The following TPCN1 variants were observed in gnomAD, a reference collection of about 807,000 sequenced individuals.
TPCN1 encodes the protein two pore channel protein 1.
Under a neutral mutation model 108.8 loss-of-function variants are expected in TPCN1, and 52 were observed. The observed-to-expected ratio is 0.48, with a 90% CI of 0.38 to 0.60. The LOEUF is 0.60. TPCN1 is among the 20% of genes least tolerant of loss of function. The probability of loss-of-function intolerance (pLI) is 0.00; values close to 1 mark genes in which losing one functional copy is unlikely to be tolerated. For missense variants in TPCN1, 806 were observed against 1,072.8 expected, an observed-to-expected ratio of 0.75 and a Z score of 3.47; for synonymous variants, 446 against 433.7, an observed-to-expected ratio of 1.03 and a Z score of -0.35.
At chr12:113,240,193 A>G (rs933259690) in intron 2 of TPCN1, among the ~76,000 whole-genome samples, 3 of 152,146 alleles carry the variant, frequency 2.0e-5, no homozygotes, top group African/African-American at 7.2e-5. Flanking sequence ...TAGTTGGCCC[A>G]TTTGATTTTG....
rs1956154036 is a variant in TPCN1, at chr12:113,288,263, G to A, written c.1706+29G>A. On this transcript the variant is annotated intron_variant, in intron 20 of 27. Coordinates refer to ENST00000335509, the MANE Select transcript of TPCN1 (RefSeq NM_017901.6). The surrounding 1 kb of genome is among the most constrained non-coding windows in gnomAD (Gnocchi z 4.8). ...CTGCCAGCCCCCACCCTGGCCTGCA[G>A]GTCCAGGTGCCGTGTGGCAGTGCCC... The A allele has an allele frequency of 1.2e-6, 2 of 1,613,196 alleles. No individual in the cohort carries two copies. Among genetic ancestry groups the A allele is most frequent in the South Asian group, 1.1e-5 (1 of 91,044 alleles).
chr12:113,258,510 A>C lies in TPCN1; in HGVS notation c.113-1858A>C, dbSNP rs575203978. The stretch of plus-strand genomic sequence containing the variant: ...AAACAAGGGTGGAGTGGCTGGGCAC[A>C]GTGGCCCACACCTGTAATCTCAACA... On this transcript the variant is annotated intron_variant, in intron 2 of 27. Transcript: ENST00000335509. Among the ~76,000 whole-genome samples, 6 of 152,070 alleles carry C rather than the reference A, an allele frequency of 3.9e-5. No individual in the cohort carries two copies. In the South Asian group the frequency reaches 1.2e-3, roughly 32 times the overall value.
Position 113,293,060 on chromosome 12 carries a change from T to C in TPCN1, c.2240T>C (p.Met747Thr). 1 of 1,612,284 alleles carries C rather than the reference T, an allele frequency of 6.2e-7. No individual in the cohort carries two copies. The highest frequency in any genetic ancestry group is 8.5e-7 in the Non-Finnish European group (1 of 1,179,480). ...AGGCTGCTGGAGACCCTCTCCCAGATGGAGAGATACCAGGTGAGGAGCCCA... is the reference window on the plus strand; with the variant it reads ...AGGCTGCTGGAGACCCTCTCCCAGACGGAGAGATACCAGGTGAGGAGCCCA... ...VTRLLETLSQ[M>T]ERYQQHSMVF... Residue 747 changes from methionine (M) to threonine (T), a missense_variant, in exon 26 of 28, where the codon ATG (methionine) becomes ACG (threonine). By Grantham distance (81) the Met-to-Thr change is moderately conservative (BLOSUM62 -1). Coordinates refer to ENST00000335509, the MANE Select transcript of TPCN1 (RefSeq NM_017901.6).
In TPCN1 at chr12:113,288,764, C is replaced by T. The variant is rs1373206093; in HGVS notation, c.1713C>T (p.Gly571=). 1 of 1,612,570 alleles carries T rather than the reference C, an allele frequency of 6.2e-7. No individual in the cohort carries two copies. Among genetic ancestry groups the T allele is most frequent in the South Asian group, 1.1e-5 (1 of 91,084 alleles). ...TGCCCCTGTCGCCCCACAGCCTGGGCCTCACCCTGCTCATCTTTTACTACT... is the reference window on the plus strand; with the variant it reads ...TGCCCCTGTCGCCCCACAGCCTGGGTCTCACCCTGCTCATCTTTTACTACT... ...FELLPRMASL[G]LTLLIFYYSF... is the part of the protein sequence containing the mutation. The change falls in exon 21 of 28, where the codon GGC becomes GGT. Residue 571 remains glycine, a synonymous_variant. Transcript: ENST00000335509. This position sits in a 1 kb window ranked among gnomAD's most constrained non-coding sequence, Gnocchi z 4.8.
rs1337834176 is a variant in TPCN1 at position 113,266,647 on chromosome 12, A to G, written c.414+291A>G. ...GCCCACACCTTGGCTCCGGGTGGGG[A>G]GGGCACCCAGTGGACAGTCCCACTA... On this transcript the variant is annotated intron_variant, in intron 4 of 27. Coordinates refer to ENST00000335509, the MANE Select transcript of TPCN1 (RefSeq NM_017901.6). This position sits in a 1 kb window ranked among gnomAD's most constrained non-coding sequence, Gnocchi z 4.2. Among the ~76,000 whole-genome samples the G allele has an allele frequency of 1.3e-5, 2 of 152,174 alleles. No homozygotes were observed. Among genetic ancestry groups the G allele is most frequent in the East Asian group, 3.9e-4 (2 of 5,156 alleles).
At position 113,273,452 on chromosome 12, in the gene TPCN1, G is replaced by A; in HGVS notation, c.843-117G>A. The A allele has an allele frequency of 2.4e-6, 3 of 1,243,258 alleles. No individual in the cohort carries two copies. Among genetic ancestry groups the A allele is most frequent in the Middle Eastern group, 1.9e-4 (1 of 5,284 alleles). The allele number at this position is 1,243,258 out of a possible 1,614,324, so 77.0% of individuals were successfully genotyped here. ...GCACGGAGCCCAGGGATGAGAGTAG[G>A]GGAACCAGGGTTGGAGGCTGGGAAG... is the stretch of plus-strand genomic sequence containing the variant. On this transcript the variant is annotated intron_variant, in intron 9 of 27. Coordinates refer to ENST00000335509, the MANE Select transcript of TPCN1 (RefSeq NM_017901.6). This position sits in a 1 kb window ranked among gnomAD's most constrained non-coding sequence, Gnocchi z 4.0.
intron 1 of TPCN1, among the ~76,000 whole-genome samples, chr12:113,225,011 A>C (rs1953420012): frequency 6.6e-6 from 1 of 152,182 alleles, no homozygotes; most frequent in East Asian, 1.9e-4. Flanking sequence ...TCTGCCTCCC[A>C]AAGTGCTGGG....
chr12:113,253,316 AATAG>A (rs1386397085), intron 2 of TPCN1, among the ~76,000 whole-genome samples: 1 of 152,236 alleles, frequency 6.6e-6, no homozygotes, highest in Non-Finnish European at 1.5e-5. Context: ...TAAGTAGGTT[AATAG>A]ATACAATGTA....
intron 3 of TPCN1, among the ~76,000 whole-genome samples, chr12:113,264,459 A>G (rs1392032991): frequency 6.6e-6 from 1 of 152,166 alleles, no homozygotes; most frequent in Non-Finnish European, 1.5e-5. Context: ...TGGGCAGATC[A>G]CTTGAGCTCA....
Position 113,266,450 on chromosome 12 carries a change from C to T in TPCN1, c.414+94C>T, listed in dbSNP as rs1955265209. 3.3e-6 allele frequency: 5 copies of T among 1,500,816 alleles called. No individual in the cohort carries two copies. Among genetic ancestry groups the T allele is most frequent in the East Asian group, 4.5e-5 (2 of 44,304 alleles). The allele number at this position is 1,500,816 out of a possible 1,614,324, so 93.0% of individuals were successfully genotyped here. A position where few individuals can be genotyped will look rare whatever the true frequency, so the allele number is the denominator to read the frequency against. On this transcript the variant is annotated intron_variant, in intron 4 of 27. Transcript: ENST00000335509. This position sits in a 1 kb window ranked among gnomAD's most constrained non-coding sequence, Gnocchi z 4.2. ...AAAAGGAACATTCTGGGAGGGCAAA[C>T]ACTGCAAACGGACTTAAAACAGAGA...
At chr12:113,293,537 G>A (rs982913842) in intron 27 of TPCN1, among the ~76,000 whole-genome samples, 188 bp downstream of exon 27, 15 of 152,178 alleles carry the variant, frequency 9.9e-5, no homozygotes, top group African/African-American at 2.7e-4. Context: ...CCCTTGACTC[G>A]TGCCCAGCAG....
At chr12:113,285,317 C>G (rs1164750345) in intron 17 of TPCN1, among the ~76,000 whole-genome samples, 5 of 152,348 alleles carry the variant, frequency 3.3e-5, no homozygotes, top group African/African-American at 7.2e-5. Context: ...TCAGGACACA[C>G]CTGTTGGATG....
At chr12:113,275,320 C>T (rs1012175315) in intron 10 of TPCN1, among the ~76,000 whole-genome samples, 2 of 152,086 alleles carry the variant, frequency 1.3e-5, no homozygotes, top group Non-Finnish European at 2.9e-5. Flanking sequence ...TCACTGCAAC[C>T]GCCGCCTCCC....
intron 3 of TPCN1, among the ~76,000 whole-genome samples, chr12:113,260,969 G>A (rs1955008819): frequency 6.6e-6 from 1 of 152,136 alleles, no homozygotes; most frequent in African/African-American, 2.4e-5. Context: ...AAGGCCTGCA[G>A]ATCACTTGAG....
rs572898528 is a variant in TPCN1 at position 113,266,103 on chromosome 12, C to T, written c.238-77C>T. The T allele has an allele frequency of 6.6e-7, 1 of 1,523,050 alleles. No individual in the cohort carries two copies. Among genetic ancestry groups the T allele is most frequent in the Non-Finnish European group, 9.0e-7 (1 of 1,114,340 alleles). 94.3% of individuals were successfully genotyped at this position (1,523,050 alleles called of 1,614,324 possible). A position where few individuals can be genotyped will look rare whatever the true frequency, so the allele number is the denominator to read the frequency against. On this transcript the variant is annotated intron_variant, in intron 3 of 27. Coordinates refer to ENST00000335509, the MANE Select transcript of TPCN1 (RefSeq NM_017901.6). This position sits in a 1 kb window ranked among gnomAD's most constrained non-coding sequence, Gnocchi z 4.2. Reference sequence around the variant, plus strand: ...CTCGCCTGCCTGGGGCCTTCCTTTCCTCCCCTGCCCGCGGCTCCTCTTTGG... The same window carrying T: ...CTCGCCTGCCTGGGGCCTTCCTTTCTTCCCCTGCCCGCGGCTCCTCTTTGG...
At position 113,293,109 on chromosome 12, in the gene TPCN1, C is replaced by T. The variant is rs754846582; in HGVS notation, c.2253+36C>T. The T allele has an allele frequency of 6.2e-6, 10 of 1,602,956 alleles. No homozygotes were observed. In the Admixed American group the frequency reaches 1.7e-4, roughly 27 times the overall value. ...CAGGCCCTGGTCCGAAGGAGGGAGG[C>T]AGGTTTCAGTGTGGGTGGCATAATC... On this transcript the variant is annotated intron_variant, in intron 26 of 27. Coordinates refer to ENST00000335509, the MANE Select transcript of TPCN1 (RefSeq NM_017901.6).
At chr12:113,295,832 T>C in intron 27 of TPCN1, 128 bp from the exon 28 acceptor site, 1 of 1,064,938 alleles carries the variant, frequency 9.4e-7, no homozygotes, top group Non-Finnish European at 1.3e-6. Flanking sequence ...GGGGTTTCAG[T>C]ACCAGCTGGG....
In TPCN1 at chr12:113,272,366, G is replaced by A. The variant is rs551996505; in HGVS notation, c.749-292G>A. On this transcript the variant is annotated intron_variant, in intron 7 of 27. Transcript: ENST00000335509. The surrounding 1 kb of genome is among the most constrained non-coding windows in gnomAD (Gnocchi z 4.1). The stretch of plus-strand genomic sequence containing the variant: ...GGGTTTTGTTTGGTCTGAAAACTTT[G>A]AGCCAGCATTTTAAAATTAGATTTT... Among the ~76,000 whole-genome samples, 1 of 152,342 alleles carries A rather than the reference G, an allele frequency of 6.6e-6. No homozygotes were observed. The highest frequency in any genetic ancestry group is 2.1e-4 in the South Asian group (1 of 4,826).
rs1041186005 is a variant in TPCN1 at position 113,231,491 on chromosome 12, C to T, written c.112+4527C>T. 5.3e-5 allele frequency among the ~76,000 whole-genome samples: 8 copies of T among 152,210 alleles called. No individual in the cohort carries two copies. Among genetic ancestry groups the T allele is most frequent in the Admixed American group, 3.9e-4 (6 of 15,274 alleles). ...CCTTTAAAGGCCCTTTCTCCAAAGA[C>T]AGTCACATTCTGAGCTACTGGGGGT... On this transcript the variant is annotated intron_variant, in intron 2 of 27. Coordinates refer to ENST00000335509, the MANE Select transcript of TPCN1 (RefSeq NM_017901.6). This position sits in a 1 kb window ranked among gnomAD's most constrained non-coding sequence, Gnocchi z 4.3.
Sources: gnomAD v4.1 joint callset for allele counts (sites outside exome capture counted in the v4.1 genomes callset) on GRCh38, gnomAD v4.1.1 for gene constraint, Gnocchi (gnomAD v3.1) non-coding constraint, MANE v1.5 for transcripts, NCBI Gene and HGNC (gene_info 2026-07-23, HGNC 2026-07-21) for gene names.